SLX9: variants seen among roughly 807,000 people sequenced by gnomAD.
SLX9 encodes the protein ribosome biogenesis protein SLX9 homolog.
Under a neutral mutation model 20.8 loss-of-function variants are expected in SLX9, and 19 were observed. The observed-to-expected ratio is 0.91, with a 90% CI of 0.64 to 1.34. The LOEUF (loss-of-function observed/expected upper bound fraction) is 1.34, where lower values mean the gene tolerates loss of function less well. SLX9 is among the 40% of genes most tolerant of loss of function. The probability of loss-of-function intolerance (pLI) is 0.00; values close to 1 mark genes in which losing one functional copy is unlikely to be tolerated. For synonymous variants in SLX9, 113 were observed against 137.1 expected, an observed-to-expected ratio of 0.82 and a Z score of 1.23; for missense variants, 299 against 322.2, an observed-to-expected ratio of 0.93 and a Z score of 0.55.
intron 4 of SLX9, among the ~76,000 whole-genome samples, chr21:44,971,126 A>G (rs1490160018): frequency 6.6e-6 from 1 of 151,854 alleles, no homozygotes; most frequent in Non-Finnish European, 1.5e-5. Flanking sequence ...GGGACCCCCC[A>G]TGCTGTGGAC....
At chr21:44,947,866 G>T (rs1452204029) in intron 2 of SLX9, among the ~76,000 whole-genome samples, 1 of 152,204 alleles carries the variant, frequency 6.6e-6, no homozygotes, top group Non-Finnish European at 1.5e-5. Context: ...TTGCCTGTGG[G>T]CCGGGTTGTG....
At chr21:44,962,711 A>G (rs543474707) in intron 3 of SLX9, among the ~76,000 whole-genome samples, 18 of 152,156 alleles carry the variant, frequency 1.2e-4, no homozygotes, top group Admixed American at 5.9e-4. Flanking sequence ...GTCATAGGGT[A>G]GGTGTATGTT....
intron 2 of SLX9, among the ~76,000 whole-genome samples, chr21:44,959,868 C>T (rs1399813229): frequency 6.6e-6 from 1 of 152,208 alleles, no homozygotes; most frequent in Non-Finnish European, 1.5e-5. Flanking sequence ...GGTGAGTGGC[C>T]AGGCCATCAC....
At chr21:44,952,464 G>A (rs2084775700) in intron 2 of SLX9, among the ~76,000 whole-genome samples, 1 of 152,248 alleles carries the variant, frequency 6.6e-6, no homozygotes, top group Non-Finnish European at 1.5e-5. Context: ...GGGGATTCCC[G>A]GGGCCGCCTT....
At chr21:44,957,017 C>T (rs1259732024) in intron 2 of SLX9, among the ~76,000 whole-genome samples, 1 of 152,226 alleles carries the variant, frequency 6.6e-6, no homozygotes, top group East Asian at 1.9e-4. Flanking sequence ...AGAGCACGGG[C>T]CCTGGCTCCT....
At position 44,971,438 on chromosome 21, in the gene SLX9, G is replaced by T. The variant is rs567839899; in HGVS notation, c.501-1759G>T. ...AGGATGGGGTGTGGGACGCGTGGGT[G>T]GGGGACGGTCCCCGCAGTGGGGAGG... On this transcript the variant is annotated intron_variant, in intron 4 of 5. Coordinates refer to ENST00000291634, the MANE Select transcript of SLX9 (RefSeq NM_058190.4). 2.0e-4 allele frequency among the ~76,000 whole-genome samples: 31 copies of T among 152,300 alleles called. No homozygotes were observed. The South Asian group carries it at 6.0e-3, about 30-fold the overall frequency.
intron 2 of SLX9, among the ~76,000 whole-genome samples, chr21:44,953,804 C>CCAT (rs1398977851): frequency 1.3e-5 from 2 of 152,182 alleles, no homozygotes; most frequent in Non-Finnish European, 2.9e-5. Context: ...GAGCTCTTGG[C>CCAT]CATGACTGCT....
At chr21:44,945,592 G>A (rs1023846501) in intron 2 of SLX9, among the ~76,000 whole-genome samples, 6 of 152,258 alleles carry the variant, frequency 3.9e-5, no homozygotes, top group Non-Finnish European at 7.3e-5. Flanking sequence ...TTGCCTACCA[G>A]GGAAACTCCT....
intron 3 of SLX9, among the ~76,000 whole-genome samples, chr21:44,963,249 C>T (rs530930862): frequency 5.3e-5 from 8 of 152,102 alleles, no homozygotes; most frequent in South Asian, 2.1e-4. Context: ...CCACCGTGCC[C>T]GGCTAATTTT....
At chr21:44,943,910 C>G in intron 2 of SLX9, 73 bp downstream of exon 2, 1 of 1,593,238 alleles carries the variant, frequency 6.3e-7, no homozygotes. Flanking sequence ...CACCCGAGGT[C>G]TCAGCAGCTT....
intron 5 of SLX9, 39 bp downstream of exon 5, chr21:44,973,304 T>C: frequency 6.2e-7 from 1 of 1,607,316 alleles, no homozygotes; most frequent in Non-Finnish European, 8.5e-7. Context: ...GTTCAGCTCC[T>C]GAGTGCCCTC....
intron 5 of SLX9, among the ~76,000 whole-genome samples, chr21:44,974,516 G>A (rs1323984682): frequency 1.3e-5 from 2 of 152,140 alleles, no homozygotes; most frequent in African/African-American, 4.8e-5. Context: ...TAGGGTCTAG[G>A]TGAAGTATAG....
In SLX9 at chr21:44,976,877, C is replaced by T. The variant is rs1300179729; in HGVS notation, c.*74C>T. ...TAGAGAGCGCCGGCCCCTCAAGGACCATGGCCTGAGCCTGGTGGACGCCCT... is the reference window on the plus strand; with the variant it reads ...TAGAGAGCGCCGGCCCCTCAAGGACTATGGCCTGAGCCTGGTGGACGCCCT... On this transcript the variant is annotated 3_prime_UTR_variant, in exon 6 of 6. Coordinates refer to ENST00000291634, the MANE Select transcript of SLX9 (RefSeq NM_058190.4). 2 of 1,526,654 alleles carry T rather than the reference C, an allele frequency of 1.3e-6. No individual in the cohort carries two copies. The highest frequency in any genetic ancestry group is 1.8e-6 in the Non-Finnish European group (2 of 1,141,866). The allele number at this position is 1,526,654 out of a possible 1,614,324, so 94.6% of individuals were successfully genotyped here. A position where few individuals can be genotyped will look rare whatever the true frequency, so the allele number is the denominator to read the frequency against.
At chr21:44,951,064 C>T (rs1245166831) in intron 2 of SLX9, among the ~76,000 whole-genome samples, 1 of 152,092 alleles carries the variant, frequency 6.6e-6, no homozygotes, top group African/African-American at 2.4e-5. Context: ...TTAAAGTCGC[C>T]GGTTTGATTT....
intron 2 of SLX9, among the ~76,000 whole-genome samples, chr21:44,948,935 C>G (rs142053666): frequency 6.6e-6 from 1 of 152,180 alleles, no homozygotes; most frequent in African/African-American, 2.4e-5. Context: ...TGCAGGCCAG[C>G]GCCAAGCCAC....
intron 2 of SLX9, among the ~76,000 whole-genome samples, chr21:44,952,294 A>T (rs545971298): frequency 4.6e-5 from 7 of 152,252 alleles, no homozygotes; most frequent in African/African-American, 1.7e-4. Flanking sequence ...AAGCTCAGCC[A>T]CTGCCTTTTT....
At chr21:44,958,137 A>G (rs1568937269) in intron 2 of SLX9, 1 of 152,266 alleles carries the variant, frequency 6.6e-6, no homozygotes, top group African/African-American at 2.4e-5. Context: ...GGCTCGGCGG[A>G]TGACCTGCCT....
chr21:44,958,642 C>G (rs2084901527), intron 2 of SLX9, among the ~76,000 whole-genome samples: 1 of 152,250 alleles, frequency 6.6e-6, no homozygotes, highest in Non-Finnish European at 1.5e-5. Context: ...AGGCGTGAAC[C>G]TGTGCCGGAG....
chr21:44,944,064 G>T (rs943552406), intron 2 of SLX9, among the ~76,000 whole-genome samples: 1 of 152,224 alleles, frequency 6.6e-6, no homozygotes, highest in Non-Finnish European at 1.5e-5. Flanking sequence ...ACTGCTCTGC[G>T]TCCTGGCAGC....
Sources: gnomAD v4.1 joint callset for allele counts (sites outside exome capture counted in the v4.1 genomes callset) on GRCh38, gnomAD v4.1.1 for gene constraint, MANE v1.5 for transcripts, NCBI Gene and HGNC (gene_info 2026-07-23, HGNC 2026-07-21) for gene names.